The following STIM2 variants were observed in gnomAD, a reference collection of about 807,000 sequenced individuals.
STIM2 encodes the protein stromal interaction molecule 2.
Under a neutral mutation model 85.8 loss-of-function variants are expected in STIM2, and 31 were observed. That is an observed-to-expected ratio of 0.36 (90% CI 0.27 to 0.49). The LOEUF (loss-of-function observed/expected upper bound fraction) is 0.49, where lower values mean the gene tolerates loss of function less well. Ranked by LOEUF, STIM2 falls within the 20% of genes least tolerant of loss-of-function variation. STIM2 has a pLI of 0.98. For synonymous variants in STIM2, 356 were observed against 331.1 expected, an observed-to-expected ratio of 1.08 and a Z score of -0.82; for missense variants, 841 against 927.6, an observed-to-expected ratio of 0.91 and a Z score of 1.21.
At chr4:26,885,152 G>C (rs1439266395) in intron 1 of STIM2, among the ~76,000 whole-genome samples, 2 of 151,286 alleles carry the variant, frequency 1.3e-5, no homozygotes, top group Non-Finnish European at 2.9e-5. Context: ...CACTGTTCAT[G>C]TTCAACCTTA....
intron 1 of STIM2, among the ~76,000 whole-genome samples, chr4:26,910,893 CTG>C (rs983610163): frequency 3.9e-5 from 6 of 152,054 alleles, no homozygotes; most frequent in Non-Finnish European, 8.8e-5. Context: ...TTAAATGTCT[CTG>C]GAAGGTGGGA....
chr4:26,961,039 G>T (rs543264586), intron 3 of STIM2, among the ~76,000 whole-genome samples: 3 of 151,660 alleles, frequency 2.0e-5, no homozygotes, highest in African/African-American at 7.2e-5. Context: ...TACTTGTACC[G>T]CTAAAAAGAA....
chr4:26,980,635 T>C lies in STIM2; in HGVS notation c.398-14744T>C, dbSNP rs1398681475. ...GTTGAGGGAAGATTGTTGTAAATTCTAGCCCATAAAAGTTGAGAAATGGAA... is the reference window on the plus strand; with the variant it reads ...GTTGAGGGAAGATTGTTGTAAATTCCAGCCCATAAAAGTTGAGAAATGGAA... On this transcript the variant is annotated intron_variant, in intron 3 of 11. Transcript: ENST00000467087. Among the ~76,000 whole-genome samples the C allele has an allele frequency of 5.9e-5, 9 of 152,194 alleles. No individual in the cohort carries two copies. In the East Asian group the frequency reaches 1.7e-3, roughly 29 times the overall value.
chr4:27,011,272 G>A (rs970994414), intron 10 of STIM2, among the ~76,000 whole-genome samples: 6 of 152,206 alleles, frequency 3.9e-5, no homozygotes, highest in Admixed American at 3.3e-4. Flanking sequence ...TTGCTCAAAA[G>A]TTATGTTTCA....
chr4:26,989,759 G>C (rs1398621617), intron 3 of STIM2, among the ~76,000 whole-genome samples: 4 of 151,242 alleles, frequency 2.6e-5, no homozygotes, highest in Non-Finnish European at 4.4e-5. Flanking sequence ...AATGAATTTA[G>C]TAAAGTTACA....
intron 11 of STIM2, chr4:27,021,041 T>C (rs953883741): frequency 2.3e-5 from 36 of 1,536,718 alleles, no homozygotes; most frequent in Non-Finnish European, 3.1e-5. Context: ...TGAATGAGAC[T>C]AAGTAGTAAA....
Position 27,008,762 on chromosome 4 carries a change from A to G in STIM2, c.1251-2A>G. Reference sequence around the variant, plus strand: ...AAGTAATTTCTTTATTGGCTTTTCCAGGAAAGCTCTCTCTGAGTTGACAAC... The same window carrying G: ...AAGTAATTTCTTTATTGGCTTTTCCGGGAAAGCTCTCTCTGAGTTGACAAC... On this transcript the variant is annotated splice_acceptor_variant, in intron 9 of 11. Transcript: ENST00000467087. LOFTEE classifies it high-confidence loss of function. The G allele has an allele frequency of 6.2e-7, 1 of 1,613,794 alleles. No individual in the cohort carries two copies. Among genetic ancestry groups the G allele is most frequent in the Non-Finnish European group, 8.5e-7 (1 of 1,179,802 alleles).
chr4:27,020,961 C>T (rs968126363), intron 11 of STIM2: 1 of 1,525,476 alleles, frequency 6.6e-7, no homozygotes, highest in East Asian at 2.5e-5. Context: ...CTTGACTCTC[C>T]CTTTCATTTC....
intron 1 of STIM2, among the ~76,000 whole-genome samples, chr4:26,872,428 C>CTTT (rs1207054247): frequency 6.6e-6 from 1 of 152,020 alleles, no homozygotes; most frequent in Non-Finnish European, 1.5e-5. Context: ...AATTTCTGAG[C>CTTT]TTAAAGGTTT....
At chr4:26,921,097 T>A (rs1724777526) in intron 2 of STIM2, among the ~76,000 whole-genome samples, 1 of 152,176 alleles carries the variant, frequency 6.6e-6, no homozygotes, top group Non-Finnish European at 1.5e-5. Flanking sequence ...ACTAGTGTTC[T>A]GCTAAGAGAG....
chr4:26,869,063 G>C (rs1722510484), intron 1 of STIM2, among the ~76,000 whole-genome samples: 1 of 152,110 alleles, frequency 6.6e-6, no homozygotes, highest in Admixed American at 6.6e-5. Context: ...TCGAGGCCAA[G>C]ATGGGCAGAT....
At chr4:26,965,863 T>C (rs1726698033) in intron 3 of STIM2, among the ~76,000 whole-genome samples, 1 of 152,156 alleles carries the variant, frequency 6.6e-6, no homozygotes, top group African/African-American at 2.4e-5. Context: ...CCACTACCTA[T>C]TACATCTCTC....
In STIM2 at chr4:26,960,972, C is replaced by T. The variant is rs868519268; in HGVS notation, c.397+3246C>T. Among the ~76,000 whole-genome samples, 9 of 149,164 alleles carry T rather than the reference C, an allele frequency of 6.0e-5. No homozygotes were observed. The South Asian group carries it at 1.9e-3, about 31-fold the overall frequency. On this transcript the variant is annotated intron_variant, in intron 3 of 11. Transcript: ENST00000467087. ...CCAGCTACTAGGGAGGCTTAGGCAG[C>T]AGAATCACTTGAACCTGGGAGTGCG...
intron 1 of STIM2, among the ~76,000 whole-genome samples, chr4:26,877,515 T>G (rs1448989785): frequency 6.7e-6 from 1 of 149,904 alleles, no homozygotes; most frequent in Non-Finnish European, 1.5e-5. Flanking sequence ...GACGATGGGT[T>G]GTTTTTTTTT....
intron 7 of STIM2, 84 bp from the exon 8 acceptor site, chr4:27,007,449 T>G (rs1035387766): frequency 3.1e-6 from 3 of 977,372 alleles, no homozygotes; most frequent in African/African-American, 3.3e-5. Flanking sequence ...GCTTTTTTTT[T>G]TTTTTAGTTT....
At chr4:26,916,812 G>A (rs1724600388) in intron 1 of STIM2, among the ~76,000 whole-genome samples, 1 of 151,996 alleles carries the variant, frequency 6.6e-6, no homozygotes, top group African/African-American at 2.4e-5. Context: ...AAGGTTGTCA[G>A]CTACAGATGA....
intron 1 of STIM2, among the ~76,000 whole-genome samples, chr4:26,867,697 T>C (rs527989252): frequency 6.6e-6 from 1 of 152,378 alleles, no homozygotes; most frequent in African/African-American, 2.4e-5. Context: ...TGATTTCTAA[T>C]GCCAAATCTA....
chr4:26,902,294 G>C (rs1249370034), intron 1 of STIM2, among the ~76,000 whole-genome samples: 1 of 152,114 alleles, frequency 6.6e-6, no homozygotes, highest in Non-Finnish European at 1.5e-5. Flanking sequence ...AAAATATGCA[G>C]ATGTCGTTCT....
chr4:26,884,767 AT>A (rs1723151384), intron 1 of STIM2, among the ~76,000 whole-genome samples: 1 of 152,230 alleles, frequency 6.6e-6, no homozygotes, highest in East Asian at 1.9e-4. Flanking sequence ...ACTGTTCTGA[AT>A]GCTTCACATG....
Sources: allele counts gnomAD v4.1 joint callset (sites outside exome capture counted in the v4.1 genomes callset), GRCh38; gene constraint gnomAD v4.1.1; transcripts MANE v1.5; gene names NCBI Gene and HGNC (gene_info 2026-07-23, HGNC 2026-07-21).